Variants in DHX40 observed in about 807,000 individuals in gnomAD.
The protein encoded by DHX40 is DEAH-box helicase 40.
A neutral mutation model predicts 89.6 loss-of-function variants in DHX40; 28 were observed. The observed-to-expected ratio is 0.31, with a 90% CI of 0.23 to 0.43. The LOEUF is 0.43. DHX40 is among the 20% of genes least tolerant of loss of function. The pLI is 1.00. For synonymous variants in DHX40, 226 were observed against 283.6 expected, an observed-to-expected ratio of 0.80 and a Z score of 2.04; for missense variants, 457 against 844.0, an observed-to-expected ratio of 0.54 and a Z score of 5.68.
chr17:59,577,387 T>C (rs771082968), intron 8 of DHX40, 22 bp downstream of exon 8: 4 of 1,598,354 alleles, frequency 2.5e-6, no homozygotes, highest in Admixed American at 3.3e-5. Flanking sequence ...GAACTTTCTC[T>C]TAAAGTCAAG....
At chr17:59,595,088 GTT>G (rs112106114) in intron 12 of DHX40, among the ~76,000 whole-genome samples, 4 of 145,640 alleles carry the variant, frequency 2.7e-5, no homozygotes, top group African/African-American at 5.0e-5. Context: ...TTTGTTTTTT[GTT>G]TTTTTTTTTT....
At chr17:59,606,321 A>T (rs1458362705) in intron 17 of DHX40, among the ~76,000 whole-genome samples, 1 of 152,252 alleles carries the variant, frequency 6.6e-6, no homozygotes, top group Non-Finnish European at 1.5e-5. Flanking sequence ...TCACATACAC[A>T]GAAAACTTCT....
At chr17:59,601,461 A>G (rs1039829516) in intron 14 of DHX40, among the ~76,000 whole-genome samples, 28 of 151,856 alleles carry the variant, frequency 1.8e-4, no homozygotes, top group Admixed American at 1.3e-4. Flanking sequence ...CTAATCTGCC[A>G]TTAATCCCAT....
intron 12 of DHX40, among the ~76,000 whole-genome samples, chr17:59,595,166 C>A (rs2029948921): frequency 6.6e-6 from 1 of 151,942 alleles, no homozygotes; most frequent in Non-Finnish European, 1.5e-5. Flanking sequence ...TCACCACAAC[C>A]TCTACCTCCC....
chr17:59,586,338 G>A, intron 11 of DHX40, 105 bp downstream of exon 11: 1 of 995,882 alleles, frequency 1.0e-6, no homozygotes, highest in Non-Finnish European at 1.5e-6. Flanking sequence ...TCTTTAAATT[G>A]AATGGATTGT....
At chr17:59,588,524 G>A (rs1221307224) in intron 12 of DHX40, among the ~76,000 whole-genome samples, 2 of 152,078 alleles carry the variant, frequency 1.3e-5, no homozygotes, top group African/African-American at 2.4e-5. Flanking sequence ...TAGAGGCGCG[G>A]TTTCTCCATG....
chr17:59,606,647 G>T (rs2030870470), intron 17 of DHX40, among the ~76,000 whole-genome samples: 1 of 151,798 alleles, frequency 6.6e-6, no homozygotes, highest in Non-Finnish European at 1.5e-5. Context: ...TCGGGAGGCT[G>T]AGGCAGGAGA....
Position 59,573,870 on chromosome 17 carries a change from C to G in DHX40, c.677C>G (p.Pro226Arg), listed in dbSNP as rs1329549961. The G allele has an allele frequency of 6.2e-7, 1 of 1,611,602 alleles. No homozygotes were observed. The highest frequency in any genetic ancestry group is 1.7e-5 in the Admixed American group (1 of 59,708). The part of the protein sequence containing the change: ...AKLSAFFGNC[P>R]IFDIPGRLYP... ...CTCTCTGCATTCTTTGGAAATTGTCCAATATTTGATATACCTGGAAGGCTT... is the reference window on the plus strand; with the variant it reads ...CTCTCTGCATTCTTTGGAAATTGTCGAATATTTGATATACCTGGAAGGCTT... Residue 226 changes from proline (P) to arginine (R), a missense_variant, in exon 5 of 18, where the codon CCA becomes CGA. By Grantham distance (103) the Pro-to-Arg change is moderately radical. Transcript: ENST00000251241.
chr17:59,569,079 A>C (rs1362366806), intron 2 of DHX40, among the ~76,000 whole-genome samples: 1 of 152,100 alleles, frequency 6.6e-6, no homozygotes, highest in Non-Finnish European at 1.5e-5. Context: ...CTGTGATCCC[A>C]GCACATTGGG....
intron 3 of DHX40, 109 bp downstream of exon 3, chr17:59,570,772 C>T: frequency 1.7e-6 from 2 of 1,177,024 alleles, no homozygotes; most frequent in Non-Finnish European, 2.3e-6. Context: ...TAGCCTCTAC[C>T]TTCTGGGCTC....
chr17:59,570,088 AAT>A (rs2048773390), intron 2 of DHX40, among the ~76,000 whole-genome samples: 1 of 131,556 alleles, frequency 7.6e-6, no homozygotes, highest in Admixed American at 9.1e-5. Context: ...ATTTATATAT[AAT>A]ATATAGTATA....
At chr17:59,589,900 T>C (rs1432540967) in intron 12 of DHX40, among the ~76,000 whole-genome samples, 2 of 150,342 alleles carry the variant, frequency 1.3e-5, no homozygotes, top group East Asian at 3.9e-4. Context: ...TTTGTATTTT[T>C]AGTAGAGATG....
intron 11 of DHX40, among the ~76,000 whole-genome samples, chr17:59,587,004 T>G (rs1177595579): frequency 2.0e-5 from 3 of 151,932 alleles, no homozygotes; most frequent in Non-Finnish European, 4.4e-5. Context: ...AATACAAAAA[T>G]TAGCCGATGG....
intron 12 of DHX40, among the ~76,000 whole-genome samples, chr17:59,595,594 C>T (rs2029986304): frequency 8.5e-6 from 1 of 117,202 alleles, no homozygotes; most frequent in Admixed American, 9.4e-5. Context: ...TTAGGTGCAC[C>T]AACCCAGTTG....
At chr17:59,586,330 T>C in intron 11 of DHX40, 97 bp downstream of exon 11, 1 of 1,059,240 alleles carries the variant, frequency 9.4e-7, no homozygotes, top group Non-Finnish European at 1.4e-6. Context: ...AAATAATTTC[T>C]TTAAATTGAA....
Position 59,570,468 on chromosome 17 carries a change from G to A in DHX40, c.281-50G>A. 6 of 1,539,452 alleles carry A rather than the reference G, an allele frequency of 3.9e-6. No homozygotes were observed. The Admixed American group carries it at 8.1e-5, about 21-fold the overall frequency. On this transcript the variant is annotated intron_variant, in intron 2 of 17. Coordinates refer to ENST00000251241, the MANE Select transcript of DHX40 (RefSeq NM_024612.5). ...GGCCAAAAACAATTTAGCTCTAATA[G>A]GAAGACAATTGCTAACATTGTTGTG...
chr17:59,603,566 C>T lies in DHX40; in HGVS notation c.1901+950C>T, dbSNP rs2030666542. On this transcript the variant is annotated intron_variant, in intron 15 of 17. Transcript: ENST00000251241. ...AGGCCCCAAGTAATCAAATATGAGACACTTTAAGCATCAAAATAAGTAGTG... is the reference window on the plus strand; with the variant it reads ...AGGCCCCAAGTAATCAAATATGAGATACTTTAAGCATCAAAATAAGTAGTG... 3 of 152,134 alleles carry T rather than the reference C, an allele frequency of 2.0e-5. No individual in the cohort carries two copies. In the South Asian group the frequency reaches 6.2e-4, roughly 31 times the overall value. 9.4% of individuals were successfully genotyped at this position (152,134 alleles called of 1,614,324 possible).
chr17:59,576,697 C>T (rs2523378), intron 7 of DHX40, among the ~76,000 whole-genome samples: 32 of 152,078 alleles, frequency 2.1e-4, no homozygotes, highest in Admixed American at 4.6e-4. Flanking sequence ...TTTGGTTCAC[C>T]GATGCTTTTA....
chr17:59,586,810 C>T (rs2049004291), intron 11 of DHX40, among the ~76,000 whole-genome samples: 1 of 152,056 alleles, frequency 6.6e-6, no homozygotes, highest in Non-Finnish European at 1.5e-5. Flanking sequence ...GAGCCAGAGT[C>T]CTTGTTTTCA....
Sources: gnomAD v4.1 joint callset for allele counts (sites outside exome capture counted in the v4.1 genomes callset) on GRCh38, gnomAD v4.1.1 for gene constraint, MANE v1.5 for transcripts, NCBI Gene and HGNC (gene_info 2026-07-23, HGNC 2026-07-21) for gene names.